Variants in ALK observed in about 807,000 individuals in gnomAD.
ALK encodes ALK receptor tyrosine kinase.
In ALK, 74 loss-of-function variants were observed where a neutral mutation model predicts 163.1. The observed-to-expected ratio is 0.45, with a 90% CI of 0.38 to 0.55. The LOEUF (loss-of-function observed/expected upper bound fraction) is 0.55, where lower values mean the gene tolerates loss of function less well. ALK is among the 20% of genes least tolerant of loss of function. The probability of loss-of-function intolerance (pLI) is 0.00; values close to 1 mark genes in which losing one functional copy is unlikely to be tolerated. For missense variants in ALK, 2,063 were observed against 2,105.3 expected (o/e 0.98, Z 0.39); for synonymous variants, 960 against 843.2 (o/e 1.14, Z -2.40).
intron 9 of ALK, among the ~76,000 whole-genome samples, chr2:29,285,978 T>C (rs926966966): frequency 4.6e-5 from 7 of 152,242 alleles, no homozygotes; most frequent in Non-Finnish European, 8.8e-5. Flanking sequence ...GGTTGGCTGT[T>C]CTTGAACCCA....
At chr2:29,465,456 G>C (rs1251912319) in intron 4 of ALK, among the ~76,000 whole-genome samples, 2 of 152,324 alleles carry the variant, frequency 1.3e-5, no homozygotes, top group East Asian at 1.9e-4. Flanking sequence ...CACTTTGGGA[G>C]GCTGAGGCAG....
intron 1 of ALK, among the ~76,000 whole-genome samples, chr2:29,876,349 T>C (rs1370179115): frequency 6.6e-6 from 1 of 151,814 alleles, no homozygotes; most frequent in East Asian, 1.9e-4. Context: ...ATGGTGATGG[T>C]AGTGGTAATG....
intron 4 of ALK, among the ~76,000 whole-genome samples, chr2:29,400,712 C>T (rs746640684): frequency 2.6e-5 from 4 of 152,280 alleles, no homozygotes; most frequent in Non-Finnish European, 4.4e-5. Context: ...TGGTGGCTCA[C>T]GCCTGTGGTC....
intron 4 of ALK, 44 bp from the exon 5 acceptor site, chr2:29,383,903 A>G (rs1179699953): frequency 2.5e-6 from 4 of 1,613,282 alleles, no homozygotes; most frequent in Middle Eastern, 1.7e-4. Context: ...AGAGAAACAG[A>G]TATGAGAATT....
At chr2:29,300,410 G>A (rs774092065) in intron 8 of ALK, among the ~76,000 whole-genome samples, 4 of 152,030 alleles carry the variant, frequency 2.6e-5, no homozygotes, top group Admixed American at 1.3e-4. Context: ...TTAGCCAGGT[G>A]TGGTGGCAGG....
At chr2:29,874,593 T>C (rs1026375703) in intron 1 of ALK, among the ~76,000 whole-genome samples, 4 of 152,138 alleles carry the variant, frequency 2.6e-5, no homozygotes, top group Non-Finnish European at 5.9e-5. Context: ...TGTCTCCAAA[T>C]TACCAATGTC....
intron 1 of ALK, among the ~76,000 whole-genome samples, chr2:29,861,295 T>C (rs1666284563): frequency 6.6e-6 from 1 of 151,678 alleles, no homozygotes; most frequent in South Asian, 2.1e-4. Context: ...AAATAACAAA[T>C]ATCAGAACAG....
chr2:29,397,648 G>A (rs1338237577), intron 4 of ALK, among the ~76,000 whole-genome samples: 1 of 152,200 alleles, frequency 6.6e-6, no homozygotes, highest in East Asian at 1.9e-4. Flanking sequence ...CAGACCAGCT[G>A]AGAAAACAAC....
At chr2:29,229,521 C>G (rs1664129211) in intron 15 of ALK, among the ~76,000 whole-genome samples, 1 of 152,228 alleles carries the variant, frequency 6.6e-6, no homozygotes, top group Admixed American at 6.5e-5. Flanking sequence ...AGCCACATGT[C>G]AAAACCTTGC....
intron 1 of ALK, among the ~76,000 whole-genome samples, chr2:29,734,032 A>G (rs2148319607): frequency 6.6e-6 from 1 of 152,306 alleles, no homozygotes; most frequent in African/African-American, 2.4e-5. Context: ...CCAGCAAAGC[A>G]TACATCAGTT....
intron 13 of ALK, among the ~76,000 whole-genome samples, chr2:29,238,417 G>A (rs1664437014): frequency 6.6e-6 from 1 of 151,974 alleles, no homozygotes; most frequent in Non-Finnish European, 1.5e-5. Flanking sequence ...GGCTGGTCTC[G>A]AACTTCTGAC....
intron 4 of ALK, among the ~76,000 whole-genome samples, chr2:29,452,363 A>G (rs991878704): frequency 2.1e-5 from 3 of 145,828 alleles, no homozygotes; most frequent in Non-Finnish European, 4.5e-5. Flanking sequence ...TTCATTCAGG[A>G]CTCAGCTTAA....
At chr2:29,503,088 G>C (rs149965645) in intron 4 of ALK, among the ~76,000 whole-genome samples, 67 of 152,352 alleles carry the variant, frequency 4.4e-4, no homozygotes, top group Middle Eastern at 3.4e-3. Context: ...TAACTCAAGT[G>C]CCTCAGCACT....
At position 29,232,055 on chromosome 2, in the gene ALK, G is replaced by C. The variant is rs548453460; in HGVS notation, c.2632+249C>G. On this transcript the variant is annotated intron_variant, in intron 15 of 28. Coordinates refer to ENST00000389048, the MANE Select transcript of ALK (RefSeq NM_004304.5). ...CAATTGCAGGGAGGGCCAGCTGGCTGATTGACGGCTGCTCCCTGCCTCACT... is the reference window on the plus strand; with the variant it reads ...CAATTGCAGGGAGGGCCAGCTGGCTCATTGACGGCTGCTCCCTGCCTCACT... 5.6e-4 allele frequency among the ~76,000 whole-genome samples: 85 copies of C among 152,360 alleles called. 4 individuals carry two copies. The South Asian group carries it at 0.017, about 31-fold the overall frequency.
At chr2:29,823,236 G>A (rs1414309440) in intron 1 of ALK, among the ~76,000 whole-genome samples, 5 of 152,302 alleles carry the variant, frequency 3.3e-5, no homozygotes, top group East Asian at 1.9e-4. Flanking sequence ...CCCCAGCCAC[G>A]TGGAACTGTA....
intron 3 of ALK, among the ~76,000 whole-genome samples, chr2:29,578,409 G>C (rs1674585554): frequency 6.6e-6 from 1 of 152,180 alleles, no homozygotes; most frequent in African/African-American, 2.4e-5. Context: ...AGGGTATGGT[G>C]CCCTAATTTA....
At chr2:29,894,039 A>G (rs1667209748) in intron 1 of ALK, among the ~76,000 whole-genome samples, 1 of 152,228 alleles carries the variant, frequency 6.6e-6, no homozygotes, top group South Asian at 2.1e-4. Context: ...GAAGAAATGG[A>G]AAACTAGAAG....
At chr2:29,656,826 CT>C (rs1677198421) in intron 3 of ALK, among the ~76,000 whole-genome samples, 1 of 152,166 alleles carries the variant, frequency 6.6e-6, no homozygotes, top group African/African-American at 2.4e-5. Flanking sequence ...TCACAGACTT[CT>C]TTATCCTTGC....
intron 3 of ALK, among the ~76,000 whole-genome samples, chr2:29,620,519 G>GGGGGGGGGGGGGGGGGC (rs1676003683): frequency 8.8e-6 from 1 of 113,858 alleles, no homozygotes; most frequent in Non-Finnish European, 1.8e-5. Flanking sequence ...TGGTGGGTGG[G>GGGGGGGGGGGGGGGGGC]CACAATTTAA....
Sources: gnomAD v4.1 joint callset for allele counts (sites outside exome capture counted in the v4.1 genomes callset) on GRCh38, gnomAD v4.1.1 for gene constraint, MANE v1.5 for transcripts, NCBI Gene and HGNC (gene_info 2026-07-23, HGNC 2026-07-21) for gene names.